The following KCNG2 variants were observed in gnomAD, a reference collection of about 807,000 sequenced individuals.
The protein encoded by KCNG2 is potassium voltage-gated channel modifier subfamily G member 2.
Under a neutral mutation model 12.3 loss-of-function variants are expected in KCNG2, and 7 were observed. That is an observed-to-expected ratio of 0.57 (90% confidence interval 0.32 to 1.07). The LOEUF is 1.07. KCNG2 is among the 50% of genes least tolerant of loss of function. KCNG2 has a pLI of 0.04. For synonymous variants in KCNG2, 414 were observed against 351.4 expected (o/e 1.18, Z -1.99); for missense variants, 703 against 726.0 (o/e 0.97, Z 0.36).
At chr18:79,891,948 T>C (rs533023727) in intron 3 of KCNG2, among the ~76,000 whole-genome samples, 2 of 152,090 alleles carry the variant, frequency 1.3e-5, no homozygotes, top group African/African-American at 4.8e-5. Context: ...CTACCCATTA[T>C]TGAAAGTGCA....
At position 79,804,632 on chromosome 18, in the gene KCNG2, G is replaced by A. The variant is rs140326269; in HGVS notation, c.-115+6618G>A. Among the ~76,000 whole-genome samples the A allele has an allele frequency of 1.6e-3, 248 of 152,354 alleles. 2 individuals are homozygous for A. The East Asian group carries it at 0.036, about 22-fold the overall frequency. ...GGGCTGATGCTCTTTGATGTGAACCGTGGTTGTCGGCCTCTGAAGAAATCA... is the reference window on the plus strand; with the variant it reads ...GGGCTGATGCTCTTTGATGTGAACCATGGTTGTCGGCCTCTGAAGAAATCA... On this transcript the variant is annotated intron_variant, in intron 1 of 3. Transcript: ENST00000316249.
intron 3 of KCNG2, among the ~76,000 whole-genome samples, chr18:79,872,226 T>A (rs1256859535): frequency 1.9e-4 from 16 of 84,724 alleles, no homozygotes; most frequent in African/African-American, 5.4e-4. Context: ...CACTTTAGTC[T>A]GGCAAAAAAA....
chr18:79,838,134 G>C (rs1469569864), intron 1 of KCNG2, among the ~76,000 whole-genome samples: 3 of 152,092 alleles, frequency 2.0e-5, no homozygotes, highest in African/African-American at 7.2e-5. Context: ...ACAGCAGGGG[G>C]GAACTGGCCC....
At position 79,899,359 on chromosome 18, in the gene KCNG2, T is replaced by C. The variant is rs1275220416; in HGVS notation, c.944T>C (p.Met315Thr). 6.4e-7 allele frequency: 1 copy of C among 1,553,128 alleles called. No homozygotes were observed. The highest frequency in any genetic ancestry group is 2.4e-5 in the East Asian group (1 of 41,720). The change falls in exon 4 of 4, where the codon ATG becomes ACG. Residue 315 changes from methionine (M) to threonine (T), a missense_variant. Coordinates refer to ENST00000316249, the MANE Select transcript of KCNG2 (RefSeq NM_012283.2). ...GGGCTGCGTTCGCTGGGCCTGACCA[T>C]GCGCCGCTGCGCGCGCGAGTTCGGG... ...SLGLRSLGLTMRRCAREFGLL... is the reference protein window; with the variant it reads ...SLGLRSLGLTTRRCAREFGLL...
At chr18:79,855,091 C>T (rs1055053509) in intron 1 of KCNG2, among the ~76,000 whole-genome samples, 1 of 150,066 alleles carries the variant, frequency 6.7e-6, no homozygotes, top group African/African-American at 2.5e-5. Flanking sequence ...GTTTTTAATT[C>T]CTTCGTTCAT....
At chr18:79,812,576 A>G (rs2087499932) in intron 1 of KCNG2, among the ~76,000 whole-genome samples, 1 of 152,216 alleles carries the variant, frequency 6.6e-6, no homozygotes, top group South Asian at 2.1e-4. Flanking sequence ...CTAGAAAACT[A>G]TAAGCCGGGC....
At chr18:79,888,257 G>A (rs1185164903) in intron 3 of KCNG2, among the ~76,000 whole-genome samples, 2 of 152,126 alleles carry the variant, frequency 1.3e-5, no homozygotes, top group Non-Finnish European at 2.9e-5. Flanking sequence ...GCTGGGACCA[G>A]TCCACGGGGC....
chr18:79,869,542 G>A (rs144794428), intron 3 of KCNG2, among the ~76,000 whole-genome samples: 89 of 152,224 alleles, frequency 5.8e-4, no homozygotes, highest in African/African-American at 2.1e-3. Context: ...ACCTGGACCC[G>A]CCCTGTGCTG....
At chr18:79,870,415 T>G (rs920582238) in intron 3 of KCNG2, among the ~76,000 whole-genome samples, 4 of 152,002 alleles carry the variant, frequency 2.6e-5, no homozygotes, top group Non-Finnish European at 5.9e-5. Flanking sequence ...TGTGGCCTGG[T>G]GACGCCCACC....
At position 79,899,786 on chromosome 18, in the gene KCNG2, G is replaced by A. The variant is rs991024505; in HGVS notation, c.1371G>A (p.Ala457=). 35 of 1,456,320 alleles carry A rather than the reference G, an allele frequency of 2.4e-5. No homozygotes were observed. In the East Asian group the frequency reaches 4.8e-4, roughly 20 times the overall value. 90.2% of individuals were successfully genotyped at this position (1,456,320 alleles called of 1,614,324 possible). A position where few individuals can be genotyped will look rare whatever the true frequency, so the allele number is the denominator to read the frequency against. The change falls in exon 4 of 4, where the codon GCG becomes GCA. Residue 457 remains alanine (A), a synonymous_variant. Coordinates refer to ENST00000316249, the MANE Select transcript of KCNG2 (RefSeq NM_012283.2). ...PDSAGLADDS[A]DALWVRAGR ...GCGCGGGCCTGGCCGACGACTCCGC[G>A]GATGCGCTGTGGGTGCGGGCAGGGC...
intron 3 of KCNG2, among the ~76,000 whole-genome samples, chr18:79,892,448 T>C (rs909168355): frequency 6.6e-6 from 1 of 152,248 alleles, no homozygotes; most frequent in African/African-American, 2.4e-5. Flanking sequence ...GTGTCTCCTG[T>C]AGACAACATA....
chr18:79,824,362 T>C (rs1377996144), intron 1 of KCNG2, among the ~76,000 whole-genome samples: 4 of 152,286 alleles, frequency 2.6e-5, no homozygotes, highest in African/African-American at 4.8e-5. Flanking sequence ...GTTGATTTTA[T>C]AGCCTGCTAC....
In KCNG2 at chr18:79,867,538, G is replaced by A. The variant is rs537024165; in HGVS notation, c.624+3247G>A. Among the ~76,000 whole-genome samples the A allele has an allele frequency of 4.1e-5, 5 of 121,340 alleles. No homozygotes were observed. The East Asian group carries it at 1.4e-3, about 34-fold the overall frequency. The allele number at this position is 121,340 out of a possible 152,430, so 79.6% of individuals were successfully genotyped here. On this transcript the variant is annotated intron_variant, in intron 3 of 3. Transcript: ENST00000316249. Reference sequence around the variant, plus strand: ...CGTGTGTCGTGTCTGGGGGGGGACCGTGAGCTCGTCGTGTGTCGTGTCTGG... The same window carrying A: ...CGTGTGTCGTGTCTGGGGGGGGACCATGAGCTCGTCGTGTGTCGTGTCTGG...
chr18:79,853,798 C>T (rs184755304), intron 1 of KCNG2, among the ~76,000 whole-genome samples: 60 of 152,384 alleles, frequency 3.9e-4, no homozygotes, highest in African/African-American at 1.3e-3. Context: ...GATGGCCCCG[C>T]GCCGGGGACA....
At chr18:79,887,298 A>C (rs923114254) in intron 3 of KCNG2, among the ~76,000 whole-genome samples, 16 of 151,978 alleles carry the variant, frequency 1.1e-4, no homozygotes, top group African/African-American at 3.6e-4. Flanking sequence ...AGGGACGGAA[A>C]TGCTGAGACA....
chr18:79,808,171 C>T (rs1256242226), intron 1 of KCNG2, among the ~76,000 whole-genome samples: 2 of 106,166 alleles, frequency 1.9e-5, no homozygotes, highest in Non-Finnish European at 3.8e-5. Flanking sequence ...ACGTTATGGG[C>T]CCAGAGTCCT....
intron 1 of KCNG2, among the ~76,000 whole-genome samples, chr18:79,848,362 C>G (rs1482957751): frequency 2.6e-5 from 4 of 152,216 alleles, no homozygotes; most frequent in African/African-American, 9.6e-5. Context: ...TAGGGGTCCG[C>G]AGGCCTGTGC....
intron 2 of KCNG2, among the ~76,000 whole-genome samples, chr18:79,861,837 G>C (rs1979233067): frequency 6.6e-6 from 1 of 152,032 alleles, no homozygotes. Flanking sequence ...TTTTCTTTCT[G>C]CTCCTCAGAT....
chr18:79,830,078 T>C (rs2123021401), intron 1 of KCNG2, among the ~76,000 whole-genome samples: 1 of 152,290 alleles, frequency 6.6e-6, no homozygotes, highest in Middle Eastern at 3.4e-3. Context: ...CCCCCTGAAG[T>C]AGGAGTTCTT....
Sources: allele counts gnomAD v4.1 joint callset (sites outside exome capture counted in the v4.1 genomes callset), GRCh38; gene constraint gnomAD v4.1.1; transcripts MANE v1.5; gene names NCBI Gene and HGNC (gene_info 2026-07-23, HGNC 2026-07-21).